The following MYO1E variants were observed in gnomAD, a reference collection of about 807,000 sequenced individuals.
MYO1E encodes myosin IE, also known as unconventional myosin-Ie.
A neutral mutation model predicts 151.1 loss-of-function variants in MYO1E; 68 were observed. The observed-to-expected ratio is 0.45, with a 90% CI of 0.37 to 0.55. The LOEUF (loss-of-function observed/expected upper bound fraction) is 0.55, where lower values mean the gene tolerates loss of function less well. Among genes scored for constraint, MYO1E ranks in the 20% least tolerant of loss-of-function variants. MYO1E has a pLI of 0.00. For synonymous variants in MYO1E, 601 were observed against 501.7 expected (o/e 1.20, Z -2.64); for missense variants, 1,363 against 1,389.3 (o/e 0.98, Z 0.30).
intron 4 of MYO1E, among the ~76,000 whole-genome samples, chr15:59,239,209 AAT>A (rs1182599954): frequency 1.7e-5 from 2 of 121,042 alleles, no homozygotes; most frequent in East Asian, 2.7e-4. Flanking sequence ...TGTGTCAAAA[AAT>A]ATATATATAT....
At chr15:59,140,146 T>TAGGACAG (rs1391736452) in intron 26 of MYO1E, among the ~76,000 whole-genome samples, 1 of 152,106 alleles carries the variant, frequency 6.6e-6, no homozygotes, top group Non-Finnish European at 1.5e-5. Flanking sequence ...CTCTACCCAC[T>TAGGACAG]GGATACCAGT....
At chr15:59,146,694 T>TTA (rs1190327287) in intron 26 of MYO1E, among the ~76,000 whole-genome samples, 1 of 149,042 alleles carries the variant, frequency 6.7e-6, no homozygotes, top group Non-Finnish European at 1.5e-5. Context: ...TAAAGGCTCA[T>TTA]TATATATATA....
At chr15:59,265,792 T>TAAAAAA (rs59957325) in intron 2 of MYO1E, among the ~76,000 whole-genome samples, 2 of 106,330 alleles carry the variant, frequency 1.9e-5, no homozygotes, top group Admixed American at 2.1e-4. Context: ...CCCATCTCCT[T>TAAAAAA]AAAAAAAAAA....
At chr15:59,161,326 A>G (rs2079537142) in intron 23 of MYO1E, 96 bp from the exon 24 acceptor site, 1 of 1,378,368 alleles carries the variant, frequency 7.3e-7, no homozygotes, top group African/African-American at 1.5e-5. Flanking sequence ...GGAAAAGCAT[A>G]AACATGAGGC....
At chr15:59,172,723 G>A (rs1596351197) in intron 21 of MYO1E, among the ~76,000 whole-genome samples, 1 of 152,132 alleles carries the variant, frequency 6.6e-6, no homozygotes, top group African/African-American at 2.4e-5. Context: ...ATATTTTCTT[G>A]GGAGTTCATA....
chr15:59,345,635 T>C (rs1209558945), intron 1 of MYO1E, among the ~76,000 whole-genome samples: 2 of 152,184 alleles, frequency 1.3e-5, no homozygotes, highest in African/African-American at 4.8e-5. Flanking sequence ...TGATACAAGA[T>C]GATTGAGGAA....
intron 4 of MYO1E, among the ~76,000 whole-genome samples, chr15:59,253,289 A>G (rs568267514): frequency 2.3e-4 from 35 of 152,362 alleles, no homozygotes; most frequent in African/African-American, 8.4e-4. Flanking sequence ...AAAAGAACTA[A>G]TAACTGCAGA....
rs576853459 is a variant in MYO1E, at chr15:59,235,868, G to C, written c.420+717C>G. On this transcript the variant is annotated intron_variant, in intron 5 of 27. Transcript: ENST00000288235. ...TGGTAAGATTCTGGCCAATCTGATA[G>C]GCAAAAAATAGTTTTCTAATGCAGT... Among the ~76,000 whole-genome samples the C allele has an allele frequency of 2.0e-5, 3 of 152,226 alleles. No individual in the cohort carries two copies. The East Asian group carries it at 5.8e-4, about 29-fold the overall frequency.
chr15:59,337,139 G>C (rs1427089865), intron 1 of MYO1E, among the ~76,000 whole-genome samples: 1 of 152,082 alleles, frequency 6.6e-6, no homozygotes, highest in Non-Finnish European at 1.5e-5. Flanking sequence ...TGATTCTTAT[G>C]GAGGTGTTTT....
At chr15:59,270,317 C>A (rs967718371) in intron 2 of MYO1E, among the ~76,000 whole-genome samples, 2 of 151,904 alleles carry the variant, frequency 1.3e-5, no homozygotes, top group African/African-American at 4.8e-5. Context: ...TTTGGAAGGC[C>A]GAGGCAGGTG....
At chr15:59,158,148 T>C in intron 25 of MYO1E, 139 bp downstream of exon 25, 1 of 781,616 alleles carries the variant, frequency 1.3e-6, no homozygotes, top group Non-Finnish European at 2.2e-6. Flanking sequence ...GGCTGCTGTG[T>C]TGTACATGTG....
chr15:59,147,086 G>A (rs925305999), intron 26 of MYO1E, among the ~76,000 whole-genome samples: 1 of 152,170 alleles, frequency 6.6e-6, no homozygotes, highest in African/African-American at 2.4e-5. Flanking sequence ...AAGACCAAGT[G>A]ATATACTTGC....
At chr15:59,249,835 C>G (rs2038531468) in intron 4 of MYO1E, among the ~76,000 whole-genome samples, 1 of 152,184 alleles carries the variant, frequency 6.6e-6, no homozygotes, top group South Asian at 2.1e-4. Flanking sequence ...CGGCCCCTAA[C>G]AGATGGAGCA....
intron 2 of MYO1E, among the ~76,000 whole-genome samples, chr15:59,271,812 T>C (rs1286593620): frequency 6.6e-6 from 1 of 152,242 alleles, no homozygotes; most frequent in Non-Finnish European, 1.5e-5. Context: ...GCATTATTGA[T>C]AGAACTCTTT....
At chr15:59,342,287 A>C (rs191910171) in intron 1 of MYO1E, among the ~76,000 whole-genome samples, 153 of 152,242 alleles carry the variant, frequency 1.0e-3, no homozygotes, top group African/African-American at 3.4e-3. Flanking sequence ...CCCTTGTGAG[A>C]TGGAAAGTTT....
intron 1 of MYO1E, among the ~76,000 whole-genome samples, chr15:59,356,750 G>A (rs1353866833): frequency 6.6e-6 from 1 of 151,972 alleles, no homozygotes; most frequent in Non-Finnish European, 1.5e-5. Context: ...GCTATTTTCT[G>A]TATTGGCAGG....
chr15:59,334,337 A>G (rs1420627073), intron 1 of MYO1E, among the ~76,000 whole-genome samples: 1 of 152,228 alleles, frequency 6.6e-6, no homozygotes, highest in Non-Finnish European at 1.5e-5. Context: ...TGTTTGTAAC[A>G]CAAAGAAATT....
At chr15:59,334,730 C>T (rs1486126926) in intron 1 of MYO1E, among the ~76,000 whole-genome samples, 5 of 152,300 alleles carry the variant, frequency 3.3e-5, no homozygotes, top group South Asian at 2.1e-4. Flanking sequence ...GGCTTTCTTT[C>T]GCAGGCCCTT....
At chr15:59,332,868 A>G (rs747173990) in intron 1 of MYO1E, among the ~76,000 whole-genome samples, 8 of 151,918 alleles carry the variant, frequency 5.3e-5, no homozygotes, top group Non-Finnish European at 1.0e-4. Flanking sequence ...CGGCCCTGGG[A>G]TTCTATTGGA....
Sources: allele counts gnomAD v4.1 joint callset (sites outside exome capture counted in the v4.1 genomes callset), GRCh38; gene constraint gnomAD v4.1.1; transcripts MANE v1.5; gene names NCBI Gene and HGNC (gene_info 2026-07-23, HGNC 2026-07-21).